The following AFF4 variants were observed in gnomAD, a reference collection of about 807,000 sequenced individuals.
AFF4 encodes AF4/FMR2 family member 4.
Under a neutral mutation model 124.8 loss-of-function variants are expected in AFF4, and 13 were observed. The ratio of observed to expected loss-of-function variants is 0.10; its 90% CI spans 0.07 to 0.17. The LOEUF (loss-of-function observed/expected upper bound fraction) is 0.17. AFF4 is among the 10% of genes least tolerant of loss of function. The pLI, the probability that AFF4 is intolerant of heterozygous loss-of-function variation, is 1.00. For missense variants in AFF4, 1,092 were observed against 1,403.8 expected (o/e 0.78, Z 3.55); for synonymous variants, 477 against 496.1 (o/e 0.96, Z 0.51).
intron 18 of AFF4, 87 bp downstream of exon 18, chr5:132,886,223 A>G: frequency 1.7e-6 from 2 of 1,170,594 alleles, no homozygotes; most frequent in South Asian, 2.8e-5. Flanking sequence ...TGTGTTTTGC[A>G]TAAACATGAG....
chr5:132,943,214 TAAC>T (rs1405470387), intron 1 of AFF4: 1 of 180,590 alleles, frequency 5.5e-6, no homozygotes, highest in Non-Finnish European at 1.2e-5. Context: ...TTGCTGGAGT[TAAC>T]AAAATGGATT....
chr5:132,888,948 G>C (rs1456643529), intron 14 of AFF4, 131 bp downstream of exon 14: 2 of 743,856 alleles, frequency 2.7e-6, no homozygotes, highest in African/African-American at 1.8e-5. Flanking sequence ...TGCCTGCCTG[G>C]GCCTCCAAAA....
intron 7 of AFF4, among the ~76,000 whole-genome samples, 182 bp from the exon 8 acceptor site, chr5:132,899,823 G>A (rs1252458737): frequency 6.6e-6 from 1 of 152,170 alleles, no homozygotes; most frequent in East Asian, 1.9e-4. Context: ...ATTGAGAATG[G>A]AGGAATTTAA....
At chr5:132,928,595 T>C (rs1761233660) in intron 4 of AFF4, among the ~76,000 whole-genome samples, 2 of 152,224 alleles carry the variant, frequency 1.3e-5, no homozygotes, top group Admixed American at 1.3e-4. Context: ...TCATCTTTTC[T>C]TTCAGAGAGC....
chr5:132,932,293 A>C (rs1468235174), intron 3 of AFF4, 71 bp from the exon 4 acceptor site: 29 of 1,329,596 alleles, frequency 2.2e-5, no homozygotes, highest in Non-Finnish European at 2.6e-5. Flanking sequence ...CAGATTTAAA[A>C]ACATTATTAA....
intron 5 of AFF4, among the ~76,000 whole-genome samples, chr5:132,920,022 A>G (rs901848172): frequency 5.3e-5 from 8 of 150,320 alleles, no homozygotes; most frequent in Admixed American, 2.0e-4. Context: ...ACATAGGAGG[A>G]TTTGGGTTAG....
chr5:132,931,106 C>A (rs866977289), intron 4 of AFF4, among the ~76,000 whole-genome samples: 1,942 of 95,676 alleles, frequency 0.02, no homozygotes, highest in African/African-American at 0.023. Flanking sequence ...AACTCTGGCT[C>A]AAAAAAAAAA....
At chr5:132,935,522 G>A (rs1194936714) in intron 2 of AFF4, among the ~76,000 whole-genome samples, 1 of 152,080 alleles carries the variant, frequency 6.6e-6, no homozygotes, top group Non-Finnish European at 1.5e-5. Flanking sequence ...TATAATTCCA[G>A]CACTTTGGGA....
Position 132,886,382 on chromosome 5 carries a change from C to G in AFF4, c.3027G>C (p.Leu1009=). ...TCTTCAGTTTGAACAGCCTCAGGTA[C>G]AGCAAAGACTCGCATCGCAGGCTAG... ...TVLCLRCESL[L]YLRLFKLKKE... Residue 1009 remains leucine (L), a synonymous_variant, in exon 18 of 21, where the codon CTG becomes CTC. Transcript: ENST00000265343. The G allele has an allele frequency of 6.2e-7, 1 of 1,614,102 alleles. No individual in the cohort carries two copies. The highest frequency in any genetic ancestry group is 2.2e-5 in the East Asian group (1 of 44,884).
intron 1 of AFF4, among the ~76,000 whole-genome samples, chr5:132,961,562 A>C (rs1762082980): frequency 6.6e-6 from 1 of 152,204 alleles, no homozygotes; most frequent in Non-Finnish European, 1.5e-5. Context: ...CAATAACTCA[A>C]GAGTACACAG....
rs1347092218 is a variant in AFF4, at chr5:132,877,685, T to C, written c.*3374A>G. ...TCTGAAACTCCAGAGTACTGGCCTCTAGAGCCAGAACTTTCATTTATAACA... is the reference window on the plus strand; with the variant it reads ...TCTGAAACTCCAGAGTACTGGCCTCCAGAGCCAGAACTTTCATTTATAACA... On this transcript the variant is annotated 3_prime_UTR_variant, in exon 21 of 21. Coordinates refer to ENST00000265343, the MANE Select transcript of AFF4 (RefSeq NM_014423.4). The C allele has an allele frequency of 4.7e-6, 1 of 211,468 alleles. No individual in the cohort carries two copies. Among genetic ancestry groups the C allele is most frequent in the Non-Finnish European group, 9.6e-6 (1 of 103,982 alleles). The allele number at this position is 211,468 out of a possible 1,614,324, so 13.1% of individuals were successfully genotyped here. A position where few individuals can be genotyped will look rare whatever the true frequency, so the allele number is the denominator to read the frequency against.
chr5:132,907,016 A>G lies in AFF4; in HGVS notation c.1051-2612T>C, dbSNP rs73788225. On this transcript the variant is annotated intron_variant, in intron 5 of 20. Coordinates refer to ENST00000265343, the MANE Select transcript of AFF4 (RefSeq NM_014423.4). The stretch of plus-strand genomic sequence containing the variant: ...TGTCTTATATTCATTTACTTGGTAA[A>G]TGGCCTAAAAGTTAATAGCCCCATA... 9.2e-3 allele frequency among the ~76,000 whole-genome samples: 1,408 copies of G among 152,302 alleles called. 28 individuals are homozygous for G. Among genetic ancestry groups the G allele is most frequent in the African/African-American group, 0.033 (1,356 of 41,556 alleles).
chr5:132,915,168 T>C (rs1760879612), intron 5 of AFF4, among the ~76,000 whole-genome samples: 1 of 151,904 alleles, frequency 6.6e-6, no homozygotes, highest in Non-Finnish European at 1.5e-5. Context: ...AGTGAAACCC[T>C]GTCTCTACTA....
chr5:132,937,218 T>C, intron 1 of AFF4, 25 bp from the exon 2 acceptor site: 1 of 1,582,032 alleles, frequency 6.3e-7, no homozygotes, highest in South Asian at 1.1e-5. Context: ...ACAATCTTTG[T>C]ATCACAGAAA....
intron 4 of AFF4, among the ~76,000 whole-genome samples, chr5:132,927,881 C>A (rs1315233901): frequency 6.6e-6 from 1 of 152,174 alleles, no homozygotes; most frequent in Admixed American, 6.5e-5. Flanking sequence ...TGATTTCATT[C>A]AATGCCTTCT....
chr5:132,926,860 G>A, intron 5 of AFF4: 1 of 339,598 alleles, frequency 2.9e-6, no homozygotes, highest in South Asian at 3.0e-5. Flanking sequence ...GTGTCCGGCT[G>A]TATTAATGTC....
chr5:132,933,603 G>A (rs1433249159), intron 3 of AFF4, among the ~76,000 whole-genome samples: 1 of 152,066 alleles, frequency 6.6e-6, no homozygotes, highest in East Asian at 1.9e-4. Flanking sequence ...GCTTTGGTAA[G>A]CAATTCAATT....
chr5:132,937,101 G>C lies in AFF4; in HGVS notation c.89C>G (p.Pro30Arg). Residue 30 changes from proline to arginine, a missense_variant, in exon 2 of 21, where the codon CCT becomes CGT. By Grantham distance (103) the Pro-to-Arg change is moderately radical. Around this residue, in one of 11 missense-constraint regions of AFF4, gnomAD observed 46 missense variants for 49.0 expected, o/e 0.94. Transcript: ENST00000265343. Reference sequence around the variant, plus strand: ...TGGCTCTGCAAAGAGAGGAGAGCTAGGTGGGAAGGCGTCTTCGCCCTGCTG... The same window carrying C: ...TGGCTCTGCAAAGAGAGGAGAGCTACGTGGGAAGGCGTCTTCGCCCTGCTG... ...EIQQGEDAFP[P>R]SSPLFAEPYK... The C allele has an allele frequency of 6.2e-7, 1 of 1,613,784 alleles. No individual in the cohort carries two copies. The highest frequency in any genetic ancestry group is 8.5e-7 in the Non-Finnish European group (1 of 1,179,924).
At chr5:132,898,207 G>A in intron 10 of AFF4, 23 bp downstream of exon 10, 1 of 1,613,412 alleles carries the variant, frequency 6.2e-7, no homozygotes, top group East Asian at 2.2e-5. Context: ...CCTGTGGAAG[G>A]TACCCCACCG....
Sources: allele counts gnomAD v4.1 joint callset (sites outside exome capture counted in the v4.1 genomes callset), GRCh38; gene constraint gnomAD v4.1.1; regional missense constraint gnomAD v4.1.1; transcripts MANE v1.5; gene names NCBI Gene and HGNC (gene_info 2026-07-23, HGNC 2026-07-21).